Variants in ADCY1 observed in about 807,000 individuals in gnomAD.
ADCY1 encodes the protein adenylate cyclase type 1.
A neutral mutation model predicts 105.4 loss-of-function variants in ADCY1; 28 were observed. That is an observed-to-expected ratio of 0.27 (90% CI 0.20 to 0.36). ADCY1 has a LOEUF of 0.36. Among genes scored for constraint, ADCY1 ranks in the 10% least tolerant of loss-of-function variants. The pLI, the probability that ADCY1 is intolerant of heterozygous loss-of-function variation, is 1.00. For missense variants in ADCY1, 977 were observed against 1,434.2 expected (o/e 0.68, Z 5.15); for synonymous variants, 655 against 623.8 (o/e 1.05, Z -0.75).
intron 2 of ADCY1, among the ~76,000 whole-genome samples, chr7:45,593,760 A>G (rs1792993566): frequency 6.6e-6 from 1 of 152,260 alleles, no homozygotes; most frequent in Non-Finnish European, 1.5e-5. Flanking sequence ...GTATTATACC[A>G]AATATAAATG....
intron 4 of ADCY1, among the ~76,000 whole-genome samples, chr7:45,644,235 G>T (rs952021043): frequency 2.0e-5 from 3 of 152,176 alleles, no homozygotes; most frequent in African/African-American, 7.2e-5. Flanking sequence ...TTTAGAGCTG[G>T]CCCTAGAGCG....
In ADCY1 at chr7:45,717,652, C is replaced by T. The variant is rs1293185797; in HGVS notation, c.*3657C>T. Reference sequence around the variant, plus strand: ...TGGAAATGACCCTGTGTGCTCCCCTCGCGACCCTTGCATGCCTTTCATGCC... The same window carrying T: ...TGGAAATGACCCTGTGTGCTCCCCTTGCGACCCTTGCATGCCTTTCATGCC... On this transcript the variant is annotated 3_prime_UTR_variant, in exon 20 of 20. Transcript: ENST00000297323. 2 of 152,226 alleles carry T rather than the reference C, an allele frequency of 1.3e-5. No homozygotes were observed. The highest frequency in any genetic ancestry group is 2.1e-4 in the South Asian group (1 of 4,828). 9.4% of individuals were successfully genotyped at this position (152,226 alleles called of 1,614,324 possible).
chr7:45,621,797 C>T (rs186056178), intron 3 of ADCY1, among the ~76,000 whole-genome samples: 391 of 152,230 alleles, frequency 2.6e-3, no homozygotes, highest in Non-Finnish European at 4.2e-3. Flanking sequence ...GAGAAAAAGC[C>T]AAGAACACTT....
intron 4 of ADCY1, among the ~76,000 whole-genome samples, chr7:45,642,865 A>G (rs1399100814): frequency 6.6e-6 from 1 of 152,148 alleles, no homozygotes; most frequent in African/African-American, 2.4e-5. Context: ...TAATTTCTTC[A>G]GCATTATTAG....
intron 1 of ADCY1, among the ~76,000 whole-genome samples, chr7:45,582,525 C>T (rs2115722412): frequency 7.2e-6 from 1 of 138,916 alleles, no homozygotes; most frequent in Non-Finnish European, 1.5e-5. Flanking sequence ...CTGTCTGCCA[C>T]TCGGCTGTGC....
chr7:45,626,253 C>T (rs1165711240), intron 4 of ADCY1, among the ~76,000 whole-genome samples: 4 of 152,218 alleles, frequency 2.6e-5, no homozygotes, highest in East Asian at 1.9e-4. Context: ...GAGTGGTCCA[C>T]GGCCTCAGCG....
In ADCY1 at chr7:45,574,669, C is replaced by T. The variant is rs1219848783; in HGVS notation, c.126C>T (p.Cys42=). 1 of 1,363,304 alleles carries T rather than the reference C, an allele frequency of 7.3e-7. No individual in the cohort carries two copies. Among genetic ancestry groups the T allele is most frequent in the Non-Finnish European group, 9.4e-7 (1 of 1,062,438 alleles). The allele number at this position is 1,363,304 out of a possible 1,614,324, so 84.5% of individuals were successfully genotyped here. The change falls in exon 1 of 20, where the codon TGC becomes TGT. Residue 42 remains cysteine, a synonymous_variant. Coordinates refer to ENST00000297323, the MANE Select transcript of ADCY1 (RefSeq NM_021116.4). The surrounding 1 kb of genome is among the most constrained non-coding windows in gnomAD (Gnocchi z 7.0). ...GGGCGTGCGACGAGGAGTTCGCTTG[C>T]CCAGAGCTGGAGGCGCTGTTCCGCG... ...GLRACDEEFA[C]PELEALFRGY... is the part of the protein sequence containing the mutation.
chr7:45,694,219 A>G (rs1188032394), intron 14 of ADCY1, among the ~76,000 whole-genome samples: 1 of 152,176 alleles, frequency 6.6e-6, no homozygotes, highest in East Asian at 1.9e-4. Flanking sequence ...ATTCAAGAGC[A>G]CATAAGTATG....
At chr7:45,711,607 G>GTCTATATATA (rs1422085646) in intron 19 of ADCY1, among the ~76,000 whole-genome samples, 1 of 70,820 alleles carries the variant, frequency 1.4e-5, no homozygotes, top group Non-Finnish European at 2.8e-5. Context: ...ACTTCGTGCT[G>GTCTATATATA]TATATATATA....
intron 3 of ADCY1, among the ~76,000 whole-genome samples, chr7:45,613,153 C>T (rs1793638418): frequency 6.6e-6 from 1 of 152,126 alleles, no homozygotes; most frequent in Non-Finnish European, 1.5e-5. Context: ...ACCTGATAGA[C>T]AATTTAAAAT....
chr7:45,639,006 CAT>C (rs1794469268), intron 4 of ADCY1, among the ~76,000 whole-genome samples: 1 of 152,132 alleles, frequency 6.6e-6, no homozygotes, highest in Non-Finnish European at 1.5e-5. Flanking sequence ...GTGTGTCCCA[CAT>C]ATAAACTTGT....
In ADCY1 at chr7:45,657,712, G is replaced by C; in HGVS notation, c.1149-15G>C. The C allele has an allele frequency of 3.7e-6, 6 of 1,611,374 alleles. No homozygotes were observed. Among genetic ancestry groups the C allele is most frequent in the Non-Finnish European group, 5.1e-6 (6 of 1,178,836 alleles). On this transcript the variant is annotated splice_polypyrimidine_tract_variant and intron_variant, in intron 5 of 19. Transcript: ENST00000297323. ...AAGGTGGGCCCTAGCCCCACGCTCTGTGTCTGTGTTGCAGATCTGTGGCTG... is the reference window on the plus strand; with the variant it reads ...AAGGTGGGCCCTAGCCCCACGCTCTCTGTCTGTGTTGCAGATCTGTGGCTG...
intron 11 of ADCY1, among the ~76,000 whole-genome samples, chr7:45,681,811 T>C (rs999619537): frequency 4.6e-5 from 7 of 152,132 alleles, no homozygotes; most frequent in East Asian, 1.9e-4. Flanking sequence ...CAGAAGGCCA[T>C]TGTGGCCTGA....
At position 45,703,355 on chromosome 7, in the gene ADCY1, T is replaced by C. The variant is rs377187554; in HGVS notation, c.2455-21T>C. On this transcript the variant is annotated intron_variant, in intron 14 of 19. Transcript: ENST00000297323. This position sits in a 1 kb window ranked among gnomAD's most constrained non-coding sequence, Gnocchi z 5.9. ...AGGCAGCGTGAGTGGATGGGACTAATGGAGGCTCATGATACCCCAGGCAGA... is the reference window on the plus strand; with the variant it reads ...AGGCAGCGTGAGTGGATGGGACTAACGGAGGCTCATGATACCCCAGGCAGA... 8 of 1,610,764 alleles carry C rather than the reference T, an allele frequency of 5.0e-6. No homozygotes were observed. In the African/African-American group the frequency reaches 9.4e-5, roughly 19 times the overall value.
At chr7:45,615,041 A>G (rs901630804) in intron 3 of ADCY1, among the ~76,000 whole-genome samples, 1 of 152,212 alleles carries the variant, frequency 6.6e-6, no homozygotes, top group Non-Finnish European at 1.5e-5. Flanking sequence ...ACAGACATAT[A>G]GCGGACATTA....
In ADCY1 at chr7:45,721,622, T is replaced by G; in HGVS notation, c.*7627T>G. 1 of 398,632 alleles carries G rather than the reference T, an allele frequency of 2.5e-6. No individual in the cohort carries two copies. Among genetic ancestry groups the G allele is most frequent in the Non-Finnish European group, 4.4e-6 (1 of 226,076 alleles). 24.7% of individuals were successfully genotyped at this position (398,632 alleles called of 1,614,324 possible). A position where few individuals can be genotyped will look rare whatever the true frequency, so the allele number is the denominator to read the frequency against. On this transcript the variant is annotated 3_prime_UTR_variant, in exon 20 of 20. Transcript: ENST00000297323. ...TTTGCTACTTTTACTTTCATCTTCC[T>G]CTGCTGTAGAGCCATTTAATGTTAT...
At chr7:45,590,042 G>A (rs941568642) in intron 1 of ADCY1, among the ~76,000 whole-genome samples, 3 of 152,152 alleles carry the variant, frequency 2.0e-5, no homozygotes, top group African/African-American at 7.2e-5. Flanking sequence ...CTGAGAAAGG[G>A]TTCCTTGGGC....
At chr7:45,598,579 A>G (rs952171885) in intron 2 of ADCY1, among the ~76,000 whole-genome samples, 3 of 152,238 alleles carry the variant, frequency 2.0e-5, no homozygotes, top group African/African-American at 7.2e-5. Context: ...TTATGCCAGT[A>G]TATTTGAAGA....
rs370148444 is a variant in ADCY1 at position 45,703,775 on chromosome 7, C to T, written c.2718+29C>T. 4.1e-5 allele frequency: 64 copies of T among 1,544,282 alleles called. No homozygotes were observed. The highest frequency in any genetic ancestry group is 5.1e-5 in the Non-Finnish European group (58 of 1,142,188). ...AGGCTGTGCGTCGCCATCCTGACCC[C>T]GCCTGGTTGTGGTGGTGCATCCTGT... is the stretch of plus-strand genomic sequence containing the variant. On this transcript the variant is annotated intron_variant, in intron 16 of 19. Coordinates refer to ENST00000297323, the MANE Select transcript of ADCY1 (RefSeq NM_021116.4). The surrounding 1 kb of genome is among the most constrained non-coding windows in gnomAD (Gnocchi z 5.9).
Sources: allele counts gnomAD v4.1 joint callset (sites outside exome capture counted in the v4.1 genomes callset), GRCh38; gene constraint gnomAD v4.1.1; non-coding constraint Gnocchi (gnomAD v3.1); transcripts MANE v1.5; gene names NCBI Gene and HGNC (gene_info 2026-07-23, HGNC 2026-07-21).